DLG2: variants seen among roughly 807,000 people sequenced by gnomAD.
DLG2 encodes disks large homolog 2.
DLG2 carries 45 observed loss-of-function variants against 132.5 expected under a neutral mutation model. That is an observed-to-expected ratio of 0.34 (90% CI 0.27 to 0.44). The LOEUF (loss-of-function observed/expected upper bound fraction) is 0.44, where lower values mean the gene tolerates loss of function less well. DLG2 is among the 20% of genes least tolerant of loss of function. DLG2 has a pLI of 1.00. For missense variants in DLG2, 1,045 were observed against 1,196.9 expected (o/e 0.87, Z 1.87); for synonymous variants, 424 against 419.6 (o/e 1.01, Z -0.13).
intron 3 of DLG2, chr11:85,452,750 GTTGT>G (rs2092291455): frequency 6.5e-6 from 1 of 154,692 alleles, no homozygotes; most frequent in African/African-American, 2.4e-5. Context: ...AAGATATCAG[GTTGT>G]TTGTTACTTC....
chr11:85,162,030 T>C (rs2078070332), intron 4 of DLG2, among the ~76,000 whole-genome samples: 1 of 151,944 alleles, frequency 6.6e-6, no homozygotes, highest in Non-Finnish European at 1.5e-5. Context: ...AGTTGAAGAG[T>C]GACAAACTCT....
chr11:84,234,236 G>A (rs1320227162), intron 8 of DLG2, among the ~76,000 whole-genome samples: 2 of 152,166 alleles, frequency 1.3e-5, no homozygotes, highest in African/African-American at 4.8e-5. Flanking sequence ...CCGTGCACAT[G>A]ATCTCTCAAA....
Sources: gnomAD v4.1 joint callset for allele counts (sites outside exome capture counted in the v4.1 genomes callset) on GRCh38, gnomAD v4.1.1 for gene constraint, MANE v1.5 for transcripts, NCBI Gene and HGNC (gene_info 2026-07-23, HGNC 2026-07-21) for gene names.